The following RAPGEF5 variants were observed in gnomAD, a reference collection of about 807,000 sequenced individuals.
RAPGEF5 encodes the protein Rap guanine nucleotide exchange factor 5.
In RAPGEF5, 65 loss-of-function variants were observed where a neutral mutation model predicts 125.2. The ratio of observed to expected loss-of-function variants is 0.52; its 90% CI spans 0.43 to 0.64. The LOEUF (loss-of-function observed/expected upper bound fraction) is 0.64, where lower values mean the gene tolerates loss of function less well. Among genes scored for constraint, RAPGEF5 ranks in the 30% least tolerant of loss-of-function variants. RAPGEF5 has a pLI of 0.00. For missense variants in RAPGEF5, 958 were observed against 1,048.1 expected, an observed-to-expected ratio of 0.91 and a Z score of 1.19; for synonymous variants, 391 against 385.9, an observed-to-expected ratio of 1.01 and a Z score of -0.16.
At chr7:22,306,308 C>T (rs1345376215) in intron 5 of RAPGEF5, among the ~76,000 whole-genome samples, 2 of 152,128 alleles carry the variant, frequency 1.3e-5, no homozygotes, top group African/African-American at 4.8e-5. Context: ...ATTTGCATTT[C>T]TCTGATGATC....
At chr7:22,143,930 T>C (rs1052120339) in intron 20 of RAPGEF5, among the ~76,000 whole-genome samples, 1 of 152,268 alleles carries the variant, frequency 6.6e-6, no homozygotes, top group Non-Finnish European at 1.5e-5. Context: ...CATCTGTACA[T>C]GTAAGTGATC....
intron 5 of RAPGEF5, among the ~76,000 whole-genome samples, chr7:22,305,786 C>T (rs1466422670): frequency 1.3e-5 from 2 of 152,154 alleles, no homozygotes; most frequent in Non-Finnish European, 2.9e-5. Flanking sequence ...TTAGACCCCA[C>T]AGATAAGAAC....
intron 8 of RAPGEF5, chr7:22,220,210 C>T: frequency 3.8e-6 from 2 of 528,702 alleles, no homozygotes; most frequent in East Asian, 3.1e-5. Context: ...TATCACCCTA[C>T]TTTAAGAGGG....
rs544574226 is a variant in RAPGEF5, at chr7:22,251,399, T to C, written c.796+15565A>G. Reference sequence around the variant, plus strand: ...TGTTTAGGGCACCTGGTAATTAGCATAATGGCCTCTTGGGCCCTGCCTCAG... The same window carrying C: ...TGTTTAGGGCACCTGGTAATTAGCACAATGGCCTCTTGGGCCCTGCCTCAG... On this transcript the variant is annotated intron_variant, in intron 7 of 25. Transcript: ENST00000665637. 1.6e-3 allele frequency among the ~76,000 whole-genome samples: 250 copies of C among 152,284 alleles called. 2 individuals are homozygous for C. Among genetic ancestry groups the C allele is most frequent in the Middle Eastern group, 6.8e-3 (2 of 294 alleles).
intron 9 of RAPGEF5, among the ~76,000 whole-genome samples, chr7:22,214,475 T>C (rs916631741): frequency 2.0e-5 from 3 of 152,204 alleles, no homozygotes; most frequent in African/African-American, 7.2e-5. Flanking sequence ...TACAATTTAA[T>C]ACACTACAAA....
chr7:22,183,647 T>A (rs951589), intron 11 of RAPGEF5, among the ~76,000 whole-genome samples: 44,043 of 152,090 alleles, frequency 0.29, 6,651 homozygotes, highest in Middle Eastern at 0.37. Flanking sequence ...GGCTGCAGTT[T>A]ACACAGGAAA....
intron 1 of RAPGEF5, among the ~76,000 whole-genome samples, chr7:22,331,995 A>C (rs553619882): frequency 1.2e-4 from 19 of 152,326 alleles, no homozygotes; most frequent in Admixed American, 6.5e-4. Flanking sequence ...TCCAGCTTGA[A>C]AACCACATGA....
At chr7:22,241,723 G>A (rs1425308723) in intron 7 of RAPGEF5, among the ~76,000 whole-genome samples, 1 of 151,826 alleles carries the variant, frequency 6.6e-6, no homozygotes. Flanking sequence ...ATGCTTTTTT[G>A]CATTGTTATC....
Position 22,140,129 on chromosome 7 carries a change from G to C in RAPGEF5, c.2187-14C>G. 1.3e-6 allele frequency: 2 copies of C among 1,539,362 alleles called. No homozygotes were observed. The highest frequency in any genetic ancestry group is 1.2e-5 in the South Asian group (1 of 83,738). On this transcript the variant is annotated splice_polypyrimidine_tract_variant and intron_variant, in intron 20 of 25. Transcript: ENST00000665637. ...TGGGCTTTGCAGCTATAAAATAAAA[G>C]AGAGTAGAGGACACTTTGAGGAAAC...
chr7:22,123,360 A>G (rs1416808593), intron 25 of RAPGEF5, among the ~76,000 whole-genome samples: 1 of 152,120 alleles, frequency 6.6e-6, no homozygotes, highest in Non-Finnish European at 1.5e-5. Flanking sequence ...CAAGCAAACC[A>G]TTTGAGGCTG....
rs117164449 is a variant in RAPGEF5 at position 22,267,919 on chromosome 7, T to C, written c.748-907A>G. ...CAGGCAGCAGAATATATTGCAGTAA[T>C]GACACTTTAAAGGGAGTTCAAGGTT... On this transcript the variant is annotated intron_variant, in intron 6 of 25. Transcript: ENST00000665637. Among the ~76,000 whole-genome samples the C allele has an allele frequency of 4.4e-3, 674 of 152,020 alleles. 14 individuals are homozygous for C. The highest frequency in any genetic ancestry group is 0.036 in the East Asian group (186 of 5,178).
intron 8 of RAPGEF5, among the ~76,000 whole-genome samples, chr7:22,225,122 C>T (rs940686661): frequency 3.9e-5 from 6 of 152,152 alleles, no homozygotes; most frequent in African/African-American, 1.2e-4. Flanking sequence ...CACACCAATG[C>T]ACTCCAGCCT....
intron 8 of RAPGEF5, among the ~76,000 whole-genome samples, chr7:22,222,108 C>T (rs564139673): frequency 3.3e-5 from 5 of 152,048 alleles, no homozygotes; most frequent in East Asian, 1.9e-4. Context: ...ATTAGCCGGG[C>T]GTGGTGGTGT....
intron 2 of RAPGEF5, among the ~76,000 whole-genome samples, chr7:22,317,134 A>T (rs889799531): frequency 2.0e-5 from 3 of 152,004 alleles, no homozygotes; most frequent in South Asian, 2.1e-4. Flanking sequence ...GTCAAGTGTC[A>T]GATCTATTCC....
At chr7:22,212,072 T>C (rs7385240) in intron 9 of RAPGEF5, among the ~76,000 whole-genome samples, 14,671 of 150,240 alleles carry the variant, frequency 0.098, 913 homozygotes, top group East Asian at 0.35. Flanking sequence ...ATTCACGCCA[T>C]TCTCCATTCT....
At chr7:22,140,244 C>T (rs1783213612) in intron 20 of RAPGEF5, 129 bp from the exon 21 acceptor site, 5 of 727,810 alleles carry the variant, frequency 6.9e-6, no homozygotes, top group Non-Finnish European at 1.2e-5. Flanking sequence ...GCCTACGTAC[C>T]CCTTACTGCC....
intron 1 of RAPGEF5, among the ~76,000 whole-genome samples, chr7:22,338,131 C>T (rs996870069): frequency 5.3e-5 from 8 of 152,344 alleles, no homozygotes; most frequent in Admixed American, 2.0e-4. Context: ...TGGATCTATT[C>T]TACTGCTGAC....
intron 6 of RAPGEF5, among the ~76,000 whole-genome samples, chr7:22,273,208 A>G (rs1782478071): frequency 7.1e-6 from 1 of 139,956 alleles, no homozygotes; most frequent in Non-Finnish European, 1.5e-5. Context: ...GGCACTTAGG[A>G]GTATTTTTTT....
chr7:22,351,285 T>A (rs940032371), intron 1 of RAPGEF5, among the ~76,000 whole-genome samples: 2 of 152,208 alleles, frequency 1.3e-5, no homozygotes, highest in Non-Finnish European at 2.9e-5. Flanking sequence ...CTAAACCCAA[T>A]ATGTCAATAA....
Sources: gnomAD v4.1 joint callset for allele counts (sites outside exome capture counted in the v4.1 genomes callset) on GRCh38, gnomAD v4.1.1 for gene constraint, MANE v1.5 for transcripts, NCBI Gene and HGNC (gene_info 2026-07-23, HGNC 2026-07-21) for gene names.